The following PRKAR2A variants were observed in gnomAD, a reference collection of about 807,000 sequenced individuals.
PRKAR2A encodes protein kinase cAMP-dependent type II regulatory subunit alpha, also known as cAMP-dependent protein kinase type II-alpha regulatory subunit.
A neutral mutation model predicts 51.9 loss-of-function variants in PRKAR2A; 29 were observed. That is an observed-to-expected ratio of 0.56 (90% confidence interval 0.42 to 0.76). PRKAR2A has a LOEUF of 0.76. PRKAR2A is among the 30% of genes least tolerant of loss of function. The pLI is 0.00. For synonymous variants in PRKAR2A, 178 were observed against 186.2 expected, an observed-to-expected ratio of 0.96 and a Z score of 0.36; for missense variants, 445 against 512.1, an observed-to-expected ratio of 0.87 and a Z score of 1.26.
At chr3:48,812,236 A>T (rs1366720084) in intron 1 of PRKAR2A, among the ~76,000 whole-genome samples, 1 of 152,172 alleles carries the variant, frequency 6.6e-6, no homozygotes, top group Non-Finnish European at 1.5e-5. Flanking sequence ...ATAAGCAGGA[A>T]AAAACTAGGA....
rs35348573 is a variant in PRKAR2A, at chr3:48,790,945, C to CA, written c.352-319dup. ...ATTAAACAAATATTGAGCATCGACTCAAAAAAAAAAGAAAAAGTACATCTT... is the reference window on the plus strand; with the variant it reads ...ATTAAACAAATATTGAGCATCGACTCAAAAAAAAAAAGAAAAAGTACATCTT... On this transcript the variant is annotated intron_variant, in intron 3 of 10. Transcript: ENST00000265563. Among the ~76,000 whole-genome samples the CA allele has an allele frequency of 3.1e-3, 440 of 142,914 alleles. 3 individuals carry two copies. Among genetic ancestry groups the CA allele is most frequent in the African/African-American group, 0.01 (397 of 38,922 alleles). 93.8% of individuals were successfully genotyped at this position (142,914 alleles called of 152,430 possible). A position where few individuals can be genotyped will look rare whatever the true frequency, so the allele number is the denominator to read the frequency against.
chr3:48,829,776 G>A (rs576977814), intron 1 of PRKAR2A, among the ~76,000 whole-genome samples: 2 of 120,922 alleles, frequency 1.7e-5, no homozygotes, highest in Admixed American at 9.1e-5. Flanking sequence ...GTATATATAC[G>A]CATGTATATA....
intron 9 of PRKAR2A, among the ~76,000 whole-genome samples, chr3:48,755,511 T>G (rs1269620973): frequency 1.3e-5 from 2 of 152,094 alleles, no homozygotes; most frequent in African/African-American, 4.8e-5. Flanking sequence ...ACCACAGTTA[T>G]CCTAGAGACC....
At chr3:48,818,818 C>A (rs1447959204) in intron 1 of PRKAR2A, among the ~76,000 whole-genome samples, 1 of 152,064 alleles carries the variant, frequency 6.6e-6, no homozygotes, top group East Asian at 1.9e-4. Context: ...GTACTACTTA[C>A]CACAAATGAC....
intron 1 of PRKAR2A, among the ~76,000 whole-genome samples, chr3:48,827,522 G>C (rs1237112514): frequency 2.6e-5 from 4 of 152,162 alleles, no homozygotes; most frequent in Non-Finnish European, 5.9e-5. Flanking sequence ...AAACATTACA[G>C]AGTGTACTTA....
Position 48,797,494 on chromosome 3 carries a change from C to T in PRKAR2A, c.299-3445G>A, listed in dbSNP as rs184563081. Among the ~76,000 whole-genome samples the T allele has an allele frequency of 3.3e-5, 5 of 152,298 alleles. No individual in the cohort carries two copies. In the East Asian group the frequency reaches 9.6e-4, roughly 29 times the overall value. On this transcript the variant is annotated intron_variant, in intron 2 of 10. Coordinates refer to ENST00000265563, the MANE Select transcript of PRKAR2A (RefSeq NM_004157.4). ...TCCTGGTCTAGGTACACCCCAGCTT[C>T]CCTTTCCTCATCGATTCTCTAAACC...
chr3:48,783,540 C>T (rs766304013), intron 4 of PRKAR2A, among the ~76,000 whole-genome samples: 1 of 152,108 alleles, frequency 6.6e-6, no homozygotes, highest in East Asian at 1.9e-4. Flanking sequence ...TTTTGACTAG[C>T]GAAACACGTC....
intron 2 of PRKAR2A, among the ~76,000 whole-genome samples, chr3:48,794,416 G>A (rs1213058175): frequency 6.6e-6 from 1 of 151,602 alleles, no homozygotes; most frequent in African/African-American, 2.4e-5. Flanking sequence ...TCCACCTGAT[G>A]TATAATATAA....
intron 2 of PRKAR2A, among the ~76,000 whole-genome samples, chr3:48,796,027 G>A (rs986091742): frequency 6.6e-5 from 10 of 152,178 alleles, no homozygotes; most frequent in African/African-American, 2.4e-4. Flanking sequence ...ATTATCTACT[G>A]AATAAAGAGT....
At chr3:48,794,678 CAAT>C (rs1292632781) in intron 2 of PRKAR2A, among the ~76,000 whole-genome samples, 5 of 151,192 alleles carry the variant, frequency 3.3e-5, no homozygotes, top group African/African-American at 9.7e-5. Flanking sequence ...CTGGTTGACA[CAAT>C]GAGACTCCGT....
At chr3:48,839,349 A>G (rs1468893573) in intron 1 of PRKAR2A, among the ~76,000 whole-genome samples, 1 of 151,228 alleles carries the variant, frequency 6.6e-6, no homozygotes, top group Non-Finnish European at 1.5e-5. Context: ...CCAATTATAC[A>G]TTCTAAATAG....
intron 8 of PRKAR2A, among the ~76,000 whole-genome samples, chr3:48,762,134 T>A (rs2081872591): frequency 6.6e-6 from 1 of 151,908 alleles, no homozygotes; most frequent in South Asian, 2.1e-4. Flanking sequence ...ATTAAGAAAA[T>A]GAAGGCCAGG....
chr3:48,783,801 G>A (rs2082245285), intron 4 of PRKAR2A, among the ~76,000 whole-genome samples: 1 of 152,010 alleles, frequency 6.6e-6, no homozygotes, highest in African/African-American at 2.4e-5. Flanking sequence ...GGCTGGTCTC[G>A]AACTCCTGAC....
rs373423053 is a variant in PRKAR2A, at chr3:48,761,419, T to C, written c.873+3585A>G. Among the ~76,000 whole-genome samples, 19 of 152,332 alleles carry C rather than the reference T, an allele frequency of 1.2e-4. No homozygotes were observed. In the East Asian group the frequency reaches 2.7e-3, roughly 22 times the overall value. ...CAAATGTGGCTGAGCACTTGAAATGTTGCTAGTATAAACTTAGATGTGCTA... is the reference window on the plus strand; with the variant it reads ...CAAATGTGGCTGAGCACTTGAAATGCTGCTAGTATAAACTTAGATGTGCTA... On this transcript the variant is annotated intron_variant, in intron 8 of 10. Transcript: ENST00000265563.
intron 4 of PRKAR2A, among the ~76,000 whole-genome samples, chr3:48,788,623 T>C (rs1370510848): frequency 1.3e-5 from 2 of 152,212 alleles, no homozygotes; most frequent in Admixed American, 6.5e-5. Flanking sequence ...AATGTGATGG[T>C]ATTAGAAGGT....
At chr3:48,817,811 T>C (rs567497336) in intron 1 of PRKAR2A, among the ~76,000 whole-genome samples, 29 of 152,050 alleles carry the variant, frequency 1.9e-4, no homozygotes, top group African/African-American at 6.7e-4. Flanking sequence ...AAAGATTTGG[T>C]ATGCTCTTTA....
intron 4 of PRKAR2A, among the ~76,000 whole-genome samples, chr3:48,784,551 T>C (rs2082256159): frequency 6.6e-6 from 1 of 152,228 alleles, no homozygotes; most frequent in Non-Finnish European, 1.5e-5. Context: ...CATCTGTACC[T>C]AGCCTGTGGG....
intron 1 of PRKAR2A, among the ~76,000 whole-genome samples, chr3:48,818,243 T>C (rs1575925692): frequency 6.6e-6 from 1 of 152,178 alleles, no homozygotes; most frequent in East Asian, 1.9e-4. Context: ...AAAATCAGCC[T>C]ATTAAGAAAC....
chr3:48,752,436 G>T (rs1027753051), intron 9 of PRKAR2A, 119 bp from the exon 10 acceptor site: 11 of 1,132,728 alleles, frequency 9.7e-6, no homozygotes, highest in Non-Finnish European at 1.2e-5. Context: ...AATTCACTTT[G>T]CAGAAAATTC....
Sources: allele counts gnomAD v4.1 joint callset (sites outside exome capture counted in the v4.1 genomes callset), GRCh38; gene constraint gnomAD v4.1.1; transcripts MANE v1.5; gene names NCBI Gene and HGNC (gene_info 2026-07-23, HGNC 2026-07-21).